Variants in PTBP1 observed in about 807,000 individuals in gnomAD.
The protein encoded by PTBP1 is polypyrimidine tract binding protein 1.
Under a neutral mutation model 59.8 loss-of-function variants are expected in PTBP1, and 8 were observed. That is an observed-to-expected ratio of 0.13 (90% confidence interval 0.08 to 0.24). The LOEUF (loss-of-function observed/expected upper bound fraction) is 0.24. Ranked by LOEUF, PTBP1 falls within the 10% of genes least tolerant of loss-of-function variation. The pLI is 1.00. For synonymous variants in PTBP1, 490 were observed against 320.7 expected, an observed-to-expected ratio of 1.53 and a Z score of -5.64; for missense variants, 686 against 767.0, an observed-to-expected ratio of 0.89 and a Z score of 1.25.
rs2034906037 is a variant in PTBP1 at position 812,052 on chromosome 19, G to A, written c.*1226G>A. 6.6e-6 allele frequency: 1 copy of A among 152,352 alleles called. No homozygotes were observed. The highest frequency in any genetic ancestry group is 6.5e-5 in the Admixed American group (1 of 15,274). The allele number at this position is 152,352 out of a possible 1,614,324, so 9.4% of individuals were successfully genotyped here. On this transcript the variant is annotated 3_prime_UTR_variant, in exon 15 of 15. Coordinates refer to ENST00000356948, the MANE Select transcript of PTBP1 (RefSeq NM_002819.5). ...ATTTTTTATACCTGTTGTGAGACCC[G>A]AGGGGCGGCGGCGCGGTTTTTTATG...
At chr19:809,648 G>C (rs563967626) in intron 13 of PTBP1, among the ~76,000 whole-genome samples, 37 of 152,320 alleles carry the variant, frequency 2.4e-4, no homozygotes, top group African/African-American at 8.9e-4. Flanking sequence ...TCCCAGTACT[G>C]TGGGGGGCCG....
At chr19:809,627 C>T (rs1273210600) in intron 13 of PTBP1, among the ~76,000 whole-genome samples, 1 of 152,186 alleles carries the variant, frequency 6.6e-6, no homozygotes, top group Non-Finnish European at 1.5e-5. Flanking sequence ...GCCTAATGCA[C>T]ACCTTTATAA....
chr19:800,303 G>A (rs1298660277), intron 2 of PTBP1, among the ~76,000 whole-genome samples: 1 of 152,124 alleles, frequency 6.6e-6, no homozygotes, highest in Non-Finnish European at 1.5e-5. Flanking sequence ...TTTGGGGCAA[G>A]AGAAAAATGA....
chr19:803,698 G>A (rs905863507), intron 3 of PTBP1, 62 bp downstream of exon 3: 14 of 1,433,990 alleles, frequency 9.8e-6, no homozygotes, highest in South Asian at 4.6e-5. Flanking sequence ...ACAACGTTAC[G>A]TTCTTGTTCT....
At position 808,152 on chromosome 19, in the gene PTBP1, T is replaced by C. The variant is rs2034663990; in HGVS notation, c.1154-208T>C. ...GCCACCGTGGCCACCCGCTGGCAGC[T>C]TACCTGTCCTGGATGCTATGACTTT... On this transcript the variant is annotated intron_variant, in intron 11 of 14. Coordinates refer to ENST00000356948, the MANE Select transcript of PTBP1 (RefSeq NM_002819.5). The surrounding 1 kb of genome is among the most constrained non-coding windows in gnomAD (Gnocchi z 4.7). The C allele has an allele frequency of 3.2e-6, 2 of 633,688 alleles. No individual in the cohort carries two copies. The highest frequency in any genetic ancestry group is 5.6e-6 in the Non-Finnish European group (2 of 354,774). 39.3% of individuals were successfully genotyped at this position (633,688 alleles called of 1,614,324 possible).
intron 9 of PTBP1, chr19:805,787 A>AGTG (rs2034536794): frequency 1.7e-6 from 1 of 575,270 alleles, no homozygotes; most frequent in Non-Finnish European, 3.1e-6. Context: ...GGCGCCAGCC[A>AGTG]GAAGCCGCTA....
chr19:808,294 G>T lies in PTBP1; in HGVS notation c.1154-66G>T. ...GGCCTTGTGGGGGTGCGCGGGGCCG[G>T]GGCTGACGGGGAGATGGGCGGGGCA... On this transcript the variant is annotated intron_variant, in intron 11 of 14. Transcript: ENST00000356948. This position sits in a 1 kb window ranked among gnomAD's most constrained non-coding sequence, Gnocchi z 4.7. The T allele has an allele frequency of 7.4e-7, 1 of 1,358,184 alleles. No individual in the cohort carries two copies. The highest frequency in any genetic ancestry group is 1.2e-5 in the South Asian group (1 of 80,140). 84.1% of individuals were successfully genotyped at this position (1,358,184 alleles called of 1,614,324 possible). A position where few individuals can be genotyped will look rare whatever the true frequency, so the allele number is the denominator to read the frequency against.
intron 1 of PTBP1, among the ~76,000 whole-genome samples, chr19:798,959 C>T (rs1053667321): frequency 3.9e-5 from 6 of 152,258 alleles, no homozygotes; most frequent in South Asian, 2.1e-4. Context: ...CTGAGAGGCA[C>T]CCTCTTGGGG....
rs780139995 is a variant in PTBP1, at chr19:804,685, C to T, written c.589C>T (p.Leu197=). The T allele has an allele frequency of 3.7e-5, 60 of 1,612,532 alleles. No homozygotes were observed. In the Admixed American group the frequency reaches 9.5e-4, roughly 26 times the overall value. The change falls in exon 6 of 15, where the codon CTG becomes TTG. Residue 197 remains leucine (L), a synonymous_variant. Transcript: ENST00000356948. The part of the protein sequence containing the change: ...IVENLFYPVT[L]DVLHQIFSKF... ...GGAGAACCTCTTCTACCCTGTGACC[C>T]TGGATGTGCTGCACCAGGTGAGGTG...
In PTBP1 at chr19:810,842, C is replaced by A; in HGVS notation, c.*16C>A. 1 of 1,519,364 alleles carries A rather than the reference C, an allele frequency of 6.6e-7. No homozygotes were observed. Among genetic ancestry groups the A allele is most frequent in the Non-Finnish European group, 8.8e-7 (1 of 1,141,912 alleles). The allele number at this position is 1,519,364 out of a possible 1,614,324, so 94.1% of individuals were successfully genotyped here. A position where few individuals can be genotyped will look rare whatever the true frequency, so the allele number is the denominator to read the frequency against. The stretch of plus-strand genomic sequence containing the variant: ...CACCATCTAGGGGCACAGGCCCCCA[C>A]GGCCGGGCCCCCTGGCGACAACTTC... On this transcript the variant is annotated 3_prime_UTR_variant, in exon 15 of 15. Transcript: ENST00000356948.
In PTBP1 at chr19:808,464, G is replaced by C; in HGVS notation, c.1246+12G>C. On this transcript the variant is annotated intron_variant, in intron 12 of 14. Transcript: ENST00000356948. This position sits in a 1 kb window ranked among gnomAD's most constrained non-coding sequence, Gnocchi z 4.7. ...CCAGGCCCAGCTGGGTAAGAGGCCGGGGCGGCCCCGGGGTGGAGGGGGCAG... is the reference window on the plus strand; with the variant it reads ...CCAGGCCCAGCTGGGTAAGAGGCCGCGGCGGCCCCGGGGTGGAGGGGGCAG... 6.3e-7 allele frequency: 1 copy of C among 1,584,394 alleles called. No homozygotes were observed. Among genetic ancestry groups the C allele is most frequent in the Non-Finnish European group, 8.6e-7 (1 of 1,166,828 alleles).
Position 808,066 on chromosome 19 carries a change from ATACG to A in PTBP1, c.1153+169_1153+172del. 1 of 701,326 alleles carries A rather than the reference ATACG, an allele frequency of 1.4e-6. No homozygotes were observed. The highest frequency in any genetic ancestry group is 2.5e-6 in the Non-Finnish European group (1 of 394,044). The allele number at this position is 701,326 out of a possible 1,614,324, so 43.4% of individuals were successfully genotyped here. Reference sequence around the variant, plus strand: ...TTGCGAATTTTATTTGGTCCCGTAGATACGTACGCATGGTTTATCGCCCTGCATG... The same window carrying A: ...TTGCGAATTTTATTTGGTCCCGTAGATACGCATGGTTTATCGCCCTGCATG... On this transcript the variant is annotated intron_variant, in intron 11 of 14. Coordinates refer to ENST00000356948, the MANE Select transcript of PTBP1 (RefSeq NM_002819.5). This position sits in a 1 kb window ranked among gnomAD's most constrained non-coding sequence, Gnocchi z 4.7.
intron 13 of PTBP1, among the ~76,000 whole-genome samples, chr19:810,185 T>C (rs1371464071): frequency 6.6e-6 from 1 of 152,302 alleles, no homozygotes; most frequent in East Asian, 1.9e-4. Context: ...TGCGTGCCTG[T>C]AATCCCAGCT....
At chr19:806,007 C>G (rs1434694856) in intron 9 of PTBP1, 2 of 258,990 alleles carry the variant, frequency 7.7e-6, no homozygotes, top group African/African-American at 4.6e-5. Context: ...CGCCCCAGTG[C>G]TGGCCGTGGA....
intron 10 of PTBP1, 88 bp downstream of exon 10, chr19:806,644 C>T (rs2034592971): frequency 5.3e-6 from 7 of 1,311,844 alleles, no homozygotes; most frequent in Admixed American, 7.1e-5. Context: ...GGAGCAGCGC[C>T]GCCCCTCGCT....
chr19:806,369 C>G (rs747609688), intron 9 of PTBP1, 39 bp from the exon 10 acceptor site: 8 of 1,569,204 alleles, frequency 5.1e-6, no homozygotes, highest in Non-Finnish European at 6.9e-6. Context: ...GCGGTGGAGT[C>G]GGGGGCGCCG....
chr19:804,950 C>T lies in PTBP1; in HGVS notation c.717+11C>T, dbSNP rs1163342742. On this transcript the variant is annotated intron_variant, in intron 7 of 14. Coordinates refer to ENST00000356948, the MANE Select transcript of PTBP1 (RefSeq NM_002819.5). ...CAGCACGCCAAGCTGGTGAGTGGGGCTCCCGGGACGGCGCCCGCCCTGGCC... is the reference window on the plus strand; with the variant it reads ...CAGCACGCCAAGCTGGTGAGTGGGGTTCCCGGGACGGCGCCCGCCCTGGCC... 16 of 1,612,990 alleles carry T rather than the reference C, an allele frequency of 9.9e-6. No homozygotes were observed. Among genetic ancestry groups the T allele is most frequent in the Non-Finnish European group, 1.4e-5 (16 of 1,179,320 alleles).
intron 10 of PTBP1, 194 bp downstream of exon 10, chr19:806,750 T>A: frequency 2.0e-6 from 1 of 510,312 alleles, no homozygotes; most frequent in Non-Finnish European, 3.3e-6. Context: ...TGAATTCACA[T>A]CTTGGTTCGC....
rs11549880 is a variant in PTBP1 at position 810,846 on chromosome 19, C to T, written c.*20C>T. On this transcript the variant is annotated 3_prime_UTR_variant, in exon 15 of 15. Coordinates refer to ENST00000356948, the MANE Select transcript of PTBP1 (RefSeq NM_002819.5). ...ATCTAGGGGCACAGGCCCCCACGGCCGGGCCCCCTGGCGACAACTTCCATC... is the reference window on the plus strand; with the variant it reads ...ATCTAGGGGCACAGGCCCCCACGGCTGGGCCCCCTGGCGACAACTTCCATC... 782 of 1,514,304 alleles carry T rather than the reference C, an allele frequency of 5.2e-4. No individual in the cohort carries two copies. Among genetic ancestry groups the T allele is most frequent in the Middle Eastern group, 3.7e-3 (18 of 4,808 alleles). The allele number at this position is 1,514,304 out of a possible 1,614,324, so 93.8% of individuals were successfully genotyped here. A position where few individuals can be genotyped will look rare whatever the true frequency, so the allele number is the denominator to read the frequency against.
Sources: allele counts gnomAD v4.1 joint callset (sites outside exome capture counted in the v4.1 genomes callset), GRCh38; gene constraint gnomAD v4.1.1; non-coding constraint Gnocchi (gnomAD v3.1); transcripts MANE v1.5; gene names NCBI Gene and HGNC (gene_info 2026-07-23, HGNC 2026-07-21).